Variants in OSBPL9 observed in about 807,000 individuals in gnomAD.
OSBPL9 encodes oxysterol-binding protein-related protein 9.
OSBPL9 carries 40 observed loss-of-function variants against 106.6 expected under a neutral mutation model. The ratio of observed to expected loss-of-function variants is 0.38; its 90% CI spans 0.29 to 0.49. The LOEUF (loss-of-function observed/expected upper bound fraction) is 0.49. Among genes scored for constraint, OSBPL9 ranks in the 20% least tolerant of loss-of-function variants. OSBPL9 has a pLI of 0.97. For synonymous variants in OSBPL9, 269 were observed against 295.4 expected (o/e 0.91, Z 0.92); for missense variants, 609 against 887.2 (o/e 0.69, Z 3.98).
chr1:51,640,357 T>C (rs1182521930), intron 1 of OSBPL9, among the ~76,000 whole-genome samples: 2 of 152,224 alleles, frequency 1.3e-5, no homozygotes, highest in Admixed American at 6.5e-5. Context: ...TAGTACTTAG[T>C]ATGTGCTAGG....
At chr1:51,596,786 G>GA (rs573978506) in intron 1 of OSBPL9, among the ~76,000 whole-genome samples, 90 of 148,350 alleles carry the variant, frequency 6.1e-4, no homozygotes, top group South Asian at 1.3e-3. Flanking sequence ...TCTCAAAAAA[G>GA]AAAAAAAAAA....
chr1:51,603,293 G>A (rs1307966809), intron 2 of OSBPL9, among the ~76,000 whole-genome samples: 1 of 152,156 alleles, frequency 6.6e-6, no homozygotes, highest in African/African-American at 2.4e-5. Flanking sequence ...GTTATGTGCT[G>A]GTGAAACAAA....
At chr1:51,691,229 A>T (rs1003275549) in intron 3 of OSBPL9, among the ~76,000 whole-genome samples, 3 of 146,504 alleles carry the variant, frequency 2.0e-5, no homozygotes, top group Admixed American at 6.8e-5. Flanking sequence ...TTATTTAAAA[A>T]TTTTTTCTTT....
At chr1:51,519,202 T>A in the OSBPL9 span, 1 of 1,417,778 alleles carries the variant, frequency 7.1e-7, no homozygotes, top group Admixed American at 2.5e-5. Context: ...GCGTTACCTG[T>A]GTCAGAGAGA....
At chr1:51,560,100 A>C in the OSBPL9 span, among the ~76,000 whole-genome samples, 275 of 152,318 alleles carry the variant, frequency 1.8e-3, 1 homozygote, top group African/African-American at 5.9e-3. Context: ...TAAATAAACA[A>C]ACTAAGAAAG....
chr1:51,705,119 A>T (rs1658148264), intron 3 of OSBPL9, among the ~76,000 whole-genome samples: 2 of 151,806 alleles, frequency 1.3e-5, no homozygotes, highest in Non-Finnish European at 2.9e-5. Context: ...TTCACTTTTT[A>T]AAAATCTTTT....
intron 3 of OSBPL9, among the ~76,000 whole-genome samples, chr1:51,698,407 A>G (rs1656531523): frequency 6.6e-6 from 1 of 152,216 alleles, no homozygotes; most frequent in East Asian, 1.9e-4. Flanking sequence ...ATCAATGTGT[A>G]TGGCATATAA....
chr1:51,670,099 C>G (rs1649513017), intron 3 of OSBPL9, among the ~76,000 whole-genome samples: 2 of 152,174 alleles, frequency 1.3e-5, no homozygotes. Flanking sequence ...GCATTGCATG[C>G]TATGGTTCAC....
At chr1:51,674,338 T>C (rs1442746272) in intron 3 of OSBPL9, among the ~76,000 whole-genome samples, 3 of 152,212 alleles carry the variant, frequency 2.0e-5, no homozygotes, top group Non-Finnish European at 2.9e-5. Context: ...CTCACTATGT[T>C]GCCAGGGCTG....
chr1:51,743,971 A>AT (rs887223419), intron 4 of OSBPL9, among the ~76,000 whole-genome samples: 1,918 of 150,450 alleles, frequency 0.013, 39 homozygotes, highest in African/African-American at 0.042. Flanking sequence ...GTTTATTAAG[A>AT]TTTTTTTTTT....
At position 51,788,931 on chromosome 1, in the gene OSBPL9, T is replaced by G. The variant is rs1342313011; in HGVS notation, c.*1142T>G. Among the ~76,000 whole-genome samples, 1 of 152,182 alleles carries G rather than the reference T, an allele frequency of 6.6e-6. No homozygotes were observed. The highest frequency in any genetic ancestry group is 1.5e-5 in the Non-Finnish European group (1 of 68,044). On this transcript the variant is annotated 3_prime_UTR_variant, in exon 24 of 24. Coordinates refer to ENST00000428468, the MANE Select transcript of OSBPL9 (RefSeq NM_024586.6). ...GCATTTAGTTAGTTATTCAATATACTGGTTACGTAAGGCCTTTCAAGAAGT... is the reference window on the plus strand; with the variant it reads ...GCATTTAGTTAGTTATTCAATATACGGGTTACGTAAGGCCTTTCAAGAAGT...
intron 1 of OSBPL9, among the ~76,000 whole-genome samples, chr1:51,634,762 A>G (rs543341440): frequency 1.3e-5 from 2 of 152,318 alleles, no homozygotes; most frequent in Non-Finnish European, 2.9e-5. Context: ...TGGGTAATCT[A>G]TAAAGAAAAA....
intron 1 of OSBPL9, among the ~76,000 whole-genome samples, chr1:51,650,671 G>C (rs931099722): frequency 6.6e-6 from 1 of 151,946 alleles, no homozygotes; most frequent in African/African-American, 2.4e-5. Flanking sequence ...GTTTCATGTG[G>C]GATAATCATC....
At chr1:51,605,235 A>G (rs1231989788) in intron 2 of OSBPL9, among the ~76,000 whole-genome samples, 1 of 152,254 alleles carries the variant, frequency 6.6e-6, no homozygotes, top group East Asian at 1.9e-4. Flanking sequence ...GGAAATTATT[A>G]CAAGTGCTAC....
At chr1:51,562,628 T>A in the OSBPL9 span, among the ~76,000 whole-genome samples, 1 of 152,154 alleles carries the variant, frequency 6.6e-6, no homozygotes, top group Non-Finnish European at 1.5e-5. Context: ...TCTTTCAAAT[T>A]CCCCTTGCTA....
At chr1:51,750,081 G>A in intron 7 of OSBPL9, 64 bp from the exon 8 acceptor site, 1 of 1,165,816 alleles carries the variant, frequency 8.6e-7, no homozygotes, top group Admixed American at 2.1e-5. Flanking sequence ...TATATTTTAA[G>A]CTTTAACATT....
At chr1:51,786,420 GCATTTTGGACC>G (rs1180698234) in intron 21 of OSBPL9, 95 bp from the exon 22 acceptor site, 4 of 695,116 alleles carry the variant, frequency 5.8e-6, no homozygotes, top group Non-Finnish European at 9.8e-6. Context: ...CCAGTTAACT[GCATTTTGGACC>G]TAGAGAATTT....
chr1:51,746,369 G>A (rs1667978772), intron 5 of OSBPL9, among the ~76,000 whole-genome samples: 2 of 152,104 alleles, frequency 1.3e-5, no homozygotes, highest in South Asian at 4.1e-4. Context: ...TTAATTAAAA[G>A]CAGAGGTGCT....
At position 51,787,826 on chromosome 1, in the gene OSBPL9, C is replaced by T; in HGVS notation, c.*37C>T. 2.6e-6 allele frequency: 4 copies of T among 1,530,334 alleles called. No homozygotes were observed. The highest frequency in any genetic ancestry group is 3.6e-6 in the Non-Finnish European group (4 of 1,105,524). The allele number at this position is 1,530,334 out of a possible 1,614,324, so 94.8% of individuals were successfully genotyped here. ...CAAAGTTTATACCTGATGATCAGGGCAGTAGGCATAATTCAGCAACAAACA... is the reference window on the plus strand; with the variant it reads ...CAAAGTTTATACCTGATGATCAGGGTAGTAGGCATAATTCAGCAACAAACA... On this transcript the variant is annotated 3_prime_UTR_variant, in exon 24 of 24. Transcript: ENST00000428468.
Sources: allele counts gnomAD v4.1 joint callset (sites outside exome capture counted in the v4.1 genomes callset), GRCh38; gene constraint gnomAD v4.1.1; transcripts MANE v1.5; gene names NCBI Gene and HGNC (gene_info 2026-07-23, HGNC 2026-07-21).